Variants in ADCY8 observed in about 807,000 individuals in gnomAD.
ADCY8 encodes adenylate cyclase type 8.
ADCY8 carries 51 observed loss-of-function variants against 119.7 expected under a neutral mutation model. The observed-to-expected ratio is 0.43, with a 90% CI of 0.34 to 0.54. The LOEUF is 0.54. Ranked by LOEUF, ADCY8 falls within the 20% of genes least tolerant of loss-of-function variation. The probability of loss-of-function intolerance (pLI) is 0.03; values close to 1 mark genes in which losing one functional copy is unlikely to be tolerated. For synonymous variants in ADCY8, 665 were observed against 651.0 expected, an observed-to-expected ratio of 1.02 and a Z score of -0.33; for missense variants, 1,383 against 1,598.8, an observed-to-expected ratio of 0.87 and a Z score of 2.30.
At chr8:130,929,242 T>C (rs1820560179) in intron 5 of ADCY8, among the ~76,000 whole-genome samples, 1 of 152,138 alleles carries the variant, frequency 6.6e-6, no homozygotes, top group Admixed American at 6.6e-5. Context: ...CAATGTTAGG[T>C]TGTTTATTTG....
At chr8:130,804,453 A>G (rs1222744187) in intron 14 of ADCY8, among the ~76,000 whole-genome samples, 1 of 152,200 alleles carries the variant, frequency 6.6e-6, no homozygotes, top group Non-Finnish European at 1.5e-5. Context: ...CTGTCTCTAA[A>G]TACAGTTACA....
intron 5 of ADCY8, among the ~76,000 whole-genome samples, chr8:130,916,904 C>A (rs1820147130): frequency 6.6e-6 from 1 of 152,176 alleles, no homozygotes. Flanking sequence ...CCACTTCACA[C>A]CTCTATATTT....
chr8:130,927,102 A>G (rs1820494636), intron 5 of ADCY8, among the ~76,000 whole-genome samples: 7 of 152,182 alleles, frequency 4.6e-5, no homozygotes, highest in Admixed American at 4.6e-4. Context: ...TTTCCTTTGC[A>G]TAACTACTCA....
chr8:130,830,330 C>T (rs1418495669), intron 12 of ADCY8, among the ~76,000 whole-genome samples: 1 of 152,086 alleles, frequency 6.6e-6, no homozygotes, highest in Non-Finnish European at 1.5e-5. Context: ...AAGATGGCAC[C>T]AGTCAACTGG....
At chr8:130,795,440 C>T (rs1262281122) in intron 15 of ADCY8, among the ~76,000 whole-genome samples, 3 of 152,232 alleles carry the variant, frequency 2.0e-5, no homozygotes, top group Non-Finnish European at 4.4e-5. Context: ...ACAAGCTGCA[C>T]ACTCGCGAAG....
At chr8:130,844,900 G>A (rs1238423685) in intron 11 of ADCY8, among the ~76,000 whole-genome samples, 1 of 152,058 alleles carries the variant, frequency 6.6e-6, no homozygotes, top group Non-Finnish European at 1.5e-5. Context: ...TAACATACAC[G>A]GGTATATTAC....
At chr8:130,963,900 A>C (rs1041926613) in intron 2 of ADCY8, among the ~76,000 whole-genome samples, 12 of 152,188 alleles carry the variant, frequency 7.9e-5, no homozygotes, top group Non-Finnish European at 1.5e-4. Context: ...AAAAACTAGA[A>C]ATAAGAAATT....
chr8:130,857,400 T>G (rs886192083), intron 9 of ADCY8, among the ~76,000 whole-genome samples: 4 of 152,184 alleles, frequency 2.6e-5, no homozygotes, highest in Non-Finnish European at 2.9e-5. Flanking sequence ...CCATTTTTAT[T>G]AAATCTGATT....
chr8:130,869,739 G>A (rs573938360), intron 8 of ADCY8, among the ~76,000 whole-genome samples: 5 of 151,588 alleles, frequency 3.3e-5, no homozygotes, highest in South Asian at 2.1e-4. Context: ...GGATGGTCTC[G>A]ATATCCTGAC....
rs370464409 is a variant in ADCY8, at chr8:130,859,121, G to A, written c.2210+8725C>T. On this transcript the variant is annotated intron_variant, in intron 9 of 17. Transcript: ENST00000286355. ...GGTAGATGTGCTCATTACCACTGAG[G>A]TGTCATTGCTTCCAGGCCCTCTCCA... 6.6e-5 allele frequency among the ~76,000 whole-genome samples: 10 copies of A among 152,224 alleles called. No homozygotes were observed. In the South Asian group the frequency reaches 1.2e-3, roughly 19 times the overall value.
At chr8:130,927,609 G>C (rs759293451) in intron 5 of ADCY8, among the ~76,000 whole-genome samples, 1 of 151,978 alleles carries the variant, frequency 6.6e-6, no homozygotes, top group African/African-American at 2.4e-5. Context: ...ATAGTTTGCT[G>C]TTAATATATA....
intron 7 of ADCY8, among the ~76,000 whole-genome samples, chr8:130,885,217 G>A (rs1457278927): frequency 3.1e-5 from 3 of 97,446 alleles, no homozygotes; most frequent in Non-Finnish European, 6.4e-5. Context: ...GGGTCTTATG[G>A]CTTGCATTTT....
intron 6 of ADCY8, among the ~76,000 whole-genome samples, chr8:130,907,016 G>A (rs566725917): frequency 6.8e-4 from 104 of 151,982 alleles, no homozygotes; most frequent in Non-Finnish European, 1.2e-3. Flanking sequence ...TACTTTCAGC[G>A]TCTCTCTACC....
intron 5 of ADCY8, among the ~76,000 whole-genome samples, chr8:130,929,102 C>A (rs1820555187): frequency 6.6e-6 from 1 of 151,564 alleles, no homozygotes; most frequent in Non-Finnish European, 1.5e-5. Flanking sequence ...TCAACTTTAT[C>A]TTTTCAAAAA....
At chr8:130,785,620 T>C (rs151106795) in intron 15 of ADCY8, 145 bp from the exon 16 acceptor site, 24 of 555,308 alleles carry the variant, frequency 4.3e-5, no homozygotes, top group Admixed American at 2.5e-4. Flanking sequence ...CTGAGAATCA[T>C]GCTTTCAGCC....
chr8:130,932,554 G>A (rs544355949), intron 5 of ADCY8, among the ~76,000 whole-genome samples: 1 of 152,142 alleles, frequency 6.6e-6, no homozygotes, highest in African/African-American at 2.4e-5. Context: ...GGATGATATG[G>A]GTAATATAAT....
Position 130,839,320 on chromosome 8 carries a change from C to T in ADCY8, c.2503-2871G>A, listed in dbSNP as rs541895923. On this transcript the variant is annotated intron_variant, in intron 11 of 17. Transcript: ENST00000286355. Reference sequence around the variant, plus strand: ...GCTCTTGCCTTCTTTACTCCTATCCCCCATTCCATCTAAAGGAATCACCCA... The same window carrying T: ...GCTCTTGCCTTCTTTACTCCTATCCTCCATTCCATCTAAAGGAATCACCCA... Among the ~76,000 whole-genome samples, 2 of 139,986 alleles carry T rather than the reference C, an allele frequency of 1.4e-5. 1 individual carries two copies. Among genetic ancestry groups the T allele is most frequent in the East Asian group, 4.5e-4 (2 of 4,470 alleles). The allele number at this position is 139,986 out of a possible 152,430, so 91.8% of individuals were successfully genotyped here. A position where few individuals can be genotyped will look rare whatever the true frequency, so the allele number is the denominator to read the frequency against.
At position 130,963,602 on chromosome 8, in the gene ADCY8, C is replaced by A. The variant is rs562565140; in HGVS notation, c.1111-11604G>T. 2.0e-5 allele frequency among the ~76,000 whole-genome samples: 3 copies of A among 152,220 alleles called. No individual in the cohort carries two copies. In the East Asian group the frequency reaches 5.8e-4, roughly 29 times the overall value. On this transcript the variant is annotated intron_variant, in intron 2 of 17. Transcript: ENST00000286355. ...TCCTCTACTTCATGGGGGGTTTAGTCCCCAAGATGACAGGAGAGGGGGAGA... is the reference window on the plus strand; with the variant it reads ...TCCTCTACTTCATGGGGGGTTTAGTACCCAAGATGACAGGAGAGGGGGAGA...
At chr8:130,869,526 G>T (rs5026643) in intron 8 of ADCY8, among the ~76,000 whole-genome samples, 30,405 of 112,668 alleles carry the variant, frequency 0.27, 4,663 homozygotes, top group African/African-American at 0.49. Flanking sequence ...TTGTTTTTTT[G>T]TTTTTTTTTG....
Sources: allele counts gnomAD v4.1 joint callset (sites outside exome capture counted in the v4.1 genomes callset), GRCh38; gene constraint gnomAD v4.1.1; transcripts MANE v1.5; gene names NCBI Gene and HGNC (gene_info 2026-07-23, HGNC 2026-07-21).